MCTP1: variants seen among roughly 807,000 people sequenced by gnomAD.
MCTP1 encodes the protein multiple C2 and transmembrane domain-containing protein 1.
In MCTP1, 69 loss-of-function variants were observed where a neutral mutation model predicts 120.6. The ratio of observed to expected loss-of-function variants is 0.57; its 90% CI spans 0.47 to 0.70. MCTP1 has a LOEUF of 0.70. MCTP1 is among the 30% of genes least tolerant of loss of function. The probability of loss-of-function intolerance (pLI) is 0.00; values close to 1 mark genes in which losing one functional copy is unlikely to be tolerated. For synonymous variants in MCTP1, 529 were observed against 493.1 expected, an observed-to-expected ratio of 1.07 and a Z score of -0.96; for missense variants, 1,203 against 1,248.8, an observed-to-expected ratio of 0.96 and a Z score of 0.55.
chr5:95,029,714 C>T (rs370441328), intron 1 of MCTP1, among the ~76,000 whole-genome samples: 112 of 152,292 alleles, frequency 7.4e-4, no homozygotes, highest in African/African-American at 2.5e-3. Flanking sequence ...CAGGGCAATG[C>T]TATCTGTGGT....
At chr5:94,865,202 G>A (rs1796574070) in intron 17 of MCTP1, among the ~76,000 whole-genome samples, 1 of 151,776 alleles carries the variant, frequency 6.6e-6, no homozygotes, top group African/African-American at 2.4e-5. Flanking sequence ...GTAGCGTTAA[G>A]GAAGCTGGAG....
At chr5:95,125,802 A>G (rs1758578271) in intron 1 of MCTP1, among the ~76,000 whole-genome samples, 1 of 152,238 alleles carries the variant, frequency 6.6e-6, no homozygotes, top group Non-Finnish European at 1.5e-5. Flanking sequence ...ATGTTTTGAA[A>G]TTAGTGTTTA....
chr5:95,272,112 A>G (rs571912209), intron 1 of MCTP1, among the ~76,000 whole-genome samples: 1 of 152,214 alleles, frequency 6.6e-6, no homozygotes, highest in Non-Finnish European at 1.5e-5. Context: ...TATGATATGC[A>G]TGAAAGAGTA....
At chr5:94,897,229 A>ATT (rs34402712) in intron 10 of MCTP1, among the ~76,000 whole-genome samples, 1,507 of 137,238 alleles carry the variant, frequency 0.011, 11 homozygotes, top group African/African-American at 0.014. Context: ...GGCCTGGCTA[A>ATT]TTTTTTTTTT....
chr5:94,987,881 T>C (rs1280200899), intron 2 of MCTP1, among the ~76,000 whole-genome samples: 1 of 152,212 alleles, frequency 6.6e-6, no homozygotes, highest in Non-Finnish European at 1.5e-5. Flanking sequence ...AGTGTGGTTT[T>C]ACACAAAGAG....
chr5:94,971,158 G>A (rs185906133), intron 2 of MCTP1, among the ~76,000 whole-genome samples: 149 of 151,918 alleles, frequency 9.8e-4, no homozygotes, highest in Non-Finnish European at 1.8e-3. Context: ...TAAAATGAGG[G>A]GATTTCCCAA....
chr5:94,912,020 T>C (rs1036246989), intron 9 of MCTP1, among the ~76,000 whole-genome samples: 2 of 152,172 alleles, frequency 1.3e-5, no homozygotes, highest in African/African-American at 4.8e-5. Context: ...AGAGACAAAG[T>C]AACTTGTTCT....
intron 6 of MCTP1, among the ~76,000 whole-genome samples, chr5:94,930,431 G>A (rs917013938): frequency 1.7e-4 from 25 of 151,496 alleles, no homozygotes; most frequent in African/African-American, 5.1e-4. Context: ...GTGCCACTAC[G>A]TCTGGCTAAT....
chr5:94,806,940 C>T (rs780990399), intron 17 of MCTP1, among the ~76,000 whole-genome samples: 10 of 152,194 alleles, frequency 6.6e-5, no homozygotes, highest in Non-Finnish European at 8.8e-5. Flanking sequence ...AATTATTTCA[C>T]GGTCCTTTTA....
intron 1 of MCTP1, among the ~76,000 whole-genome samples, chr5:95,077,228 A>G (rs1392277341): frequency 6.6e-6 from 1 of 152,122 alleles, no homozygotes; most frequent in Non-Finnish European, 1.5e-5. Context: ...TTCTTTTTTG[A>G]TATTCTGCCA....
intron 1 of MCTP1, among the ~76,000 whole-genome samples, chr5:95,041,327 A>AAAAAG (rs1562063162): frequency 4.7e-5 from 7 of 150,318 alleles, no homozygotes; most frequent in Non-Finnish European, 3.0e-5. Flanking sequence ...AAAAAAAAAA[A>AAAAAG]AAAAGAAAAA....
At chr5:95,043,342 T>C (rs1842656677) in intron 1 of MCTP1, among the ~76,000 whole-genome samples, 1 of 152,134 alleles carries the variant, frequency 6.6e-6, no homozygotes, top group African/African-American at 2.4e-5. Flanking sequence ...ACTGATCCTC[T>C]CATATGTTAA....
intron 8 of MCTP1, among the ~76,000 whole-genome samples, chr5:94,916,155 T>C (rs1810005012): frequency 6.6e-6 from 1 of 152,216 alleles, no homozygotes; most frequent in Admixed American, 6.5e-5. Flanking sequence ...AGCAACTGCA[T>C]AGTCATGAAA....
intron 1 of MCTP1, among the ~76,000 whole-genome samples, chr5:95,174,244 G>A (rs1295547262): frequency 6.6e-6 from 1 of 152,068 alleles, no homozygotes; most frequent in African/African-American, 2.4e-5. Context: ...TCCCCAAAAT[G>A]AAGACCATGT....
Position 95,284,684 on chromosome 5 carries a change from G to T in MCTP1, c.-109C>A. 1.1e-6 allele frequency: 1 copy of T among 886,700 alleles called. No individual in the cohort carries two copies. Among genetic ancestry groups the T allele is most frequent in the Non-Finnish European group, 1.6e-6 (1 of 635,722 alleles). 54.9% of individuals were successfully genotyped at this position (886,700 alleles called of 1,614,324 possible). ...GGTCCCCGCGGCGCTGGCGGTGGCG[G>T]CGGCGGCGGCGGCGGGCGCAGCAGC... On this transcript the variant is annotated 5_prime_UTR_variant, in exon 1 of 23. Transcript: ENST00000515393. This position sits in a 1 kb window ranked among gnomAD's most constrained non-coding sequence, Gnocchi z 5.2.
chr5:94,899,746 G>A (rs1805013219), intron 10 of MCTP1, among the ~76,000 whole-genome samples: 2 of 152,142 alleles, frequency 1.3e-5, no homozygotes, highest in South Asian at 4.1e-4. Context: ...TGGCCATATG[G>A]ATGCACCTGC....
chr5:95,068,549 T>C (rs1370030765), intron 1 of MCTP1, among the ~76,000 whole-genome samples: 1 of 152,208 alleles, frequency 6.6e-6, no homozygotes. Flanking sequence ...TTCTATAGTG[T>C]CTAACACTCT....
chr5:94,906,460 T>C (rs1180901648), intron 10 of MCTP1, among the ~76,000 whole-genome samples: 2 of 152,150 alleles, frequency 1.3e-5, no homozygotes, highest in East Asian at 3.9e-4. Context: ...CACTCCAGCC[T>C]GGGCGACAGA....
intron 19 of MCTP1, among the ~76,000 whole-genome samples, chr5:94,729,443 T>C (rs1179079154): frequency 1.3e-5 from 2 of 152,164 alleles, no homozygotes; most frequent in Non-Finnish European, 2.9e-5. Context: ...TGCTGGATAA[T>C]GTCCGTGAAA....
Sources: gnomAD v4.1 joint callset for allele counts (sites outside exome capture counted in the v4.1 genomes callset) on GRCh38, gnomAD v4.1.1 for gene constraint, Gnocchi (gnomAD v3.1) non-coding constraint, MANE v1.5 for transcripts, NCBI Gene and HGNC (gene_info 2026-07-23, HGNC 2026-07-21) for gene names.